PLXDC2: variants seen among roughly 807,000 people sequenced by gnomAD.
PLXDC2 encodes plexin domain-containing protein 2.
Under a neutral mutation model 68.9 loss-of-function variants are expected in PLXDC2, and 40 were observed. That is an observed-to-expected ratio of 0.58 (90% confidence interval 0.45 to 0.76). PLXDC2 has a LOEUF of 0.76. PLXDC2 is among the 30% of genes least tolerant of loss of function. The pLI is 0.00. For missense variants in PLXDC2, 644 were observed against 661.9 expected (o/e 0.97, Z 0.30); for synonymous variants, 243 against 234.2 (o/e 1.04, Z -0.34).
intron 2 of PLXDC2, among the ~76,000 whole-genome samples, chr10:20,045,819 A>AT (rs1429892444): frequency 2.6e-5 from 4 of 152,148 alleles, no homozygotes; most frequent in Admixed American, 2.6e-4. Flanking sequence ...GTTTTAAAAT[A>AT]TTTTTTGTCT....
intron 13 of PLXDC2, among the ~76,000 whole-genome samples, chr10:20,251,034 C>T (rs1177775950): frequency 6.6e-6 from 1 of 152,166 alleles, no homozygotes; most frequent in African/African-American, 2.4e-5. Context: ...AATCATCACT[C>T]CATAAACAAG....
chr10:19,874,803 G>C (rs189047212), intron 1 of PLXDC2, among the ~76,000 whole-genome samples: 1 of 152,192 alleles, frequency 6.6e-6, no homozygotes, highest in East Asian at 1.9e-4. Context: ...GGCCGGAAAA[G>C]CTGAGTGCTT....
chr10:20,242,086 A>G (rs1475117724), intron 12 of PLXDC2, among the ~76,000 whole-genome samples: 2 of 152,176 alleles, frequency 1.3e-5, no homozygotes, highest in Non-Finnish European at 2.9e-5. Context: ...ACTCAAAAAT[A>G]TCTACTATTT....
chr10:19,834,091 T>C (rs1033251113), intron 1 of PLXDC2, among the ~76,000 whole-genome samples: 5 of 152,134 alleles, frequency 3.3e-5, no homozygotes, highest in Admixed American at 2.6e-4. Context: ...TGCATGAACT[T>C]GCAGGTTGTC....
intron 1 of PLXDC2, among the ~76,000 whole-genome samples, chr10:19,925,341 A>C (rs180968418): frequency 6.6e-6 from 1 of 152,192 alleles, no homozygotes; most frequent in Non-Finnish European, 1.5e-5. Context: ...GTTTTGAAAG[A>C]CATATGACAG....
At chr10:20,164,898 C>A (rs1589661275) in intron 7 of PLXDC2, among the ~76,000 whole-genome samples, 1 of 152,292 alleles carries the variant, frequency 6.6e-6, no homozygotes, top group East Asian at 1.9e-4. Flanking sequence ...TCACTGCAAC[C>A]TTGACCTCCC....
At chr10:20,014,108 G>T (rs1256047966) in intron 2 of PLXDC2, among the ~76,000 whole-genome samples, 1 of 152,124 alleles carries the variant, frequency 6.6e-6, no homozygotes. Flanking sequence ...AAACTCTATG[G>T]AAAGTAATGT....
chr10:19,875,506 A>G (rs1204126550), intron 1 of PLXDC2, among the ~76,000 whole-genome samples: 1 of 152,230 alleles, frequency 6.6e-6, no homozygotes, highest in Non-Finnish European at 1.5e-5. Context: ...CTTGATAATT[A>G]ACAGTCATAG....
At chr10:20,092,048 G>GCGAAACTT (rs141440933) in intron 4 of PLXDC2, among the ~76,000 whole-genome samples, 15,918 of 152,080 alleles carry the variant, frequency 0.1, 963 homozygotes, top group South Asian at 0.29. Flanking sequence ...TATTTACTAA[G>GCGAAACTT]CGAAACTTCA....
At position 20,068,240 on chromosome 10, in the gene PLXDC2, G is replaced by C; in HGVS notation, c.541+1G>C. The stretch of plus-strand genomic sequence containing the variant: ...CGTGAAATCACTGTGGCAACCGGGG[G>C]TAAGTGGTTTTCTACCCATTCACCT... On this transcript the variant is annotated splice_donor_variant, in intron 4 of 13. Coordinates refer to ENST00000377252, the MANE Select transcript of PLXDC2 (RefSeq NM_032812.9). LOFTEE classifies it high-confidence loss of function. 6.2e-7 allele frequency: 1 copy of C among 1,609,832 alleles called. No homozygotes were observed. The highest frequency in any genetic ancestry group is 8.5e-7 in the Non-Finnish European group (1 of 1,176,708).
chr10:20,013,140 A>G (rs1163668753), intron 2 of PLXDC2, among the ~76,000 whole-genome samples: 1 of 152,204 alleles, frequency 6.6e-6, no homozygotes, highest in African/African-American at 2.4e-5. Flanking sequence ...TTTAGATAAT[A>G]TCTAGAGATT....
At chr10:20,235,620 A>G (rs1308783034) in intron 12 of PLXDC2, among the ~76,000 whole-genome samples, 1 of 152,152 alleles carries the variant, frequency 6.6e-6, no homozygotes, top group Non-Finnish European at 1.5e-5. Context: ...GCAGTGTGAG[A>G]TCTGGTGTTA....
chr10:19,869,225 C>T (rs929234225), intron 1 of PLXDC2, among the ~76,000 whole-genome samples: 1 of 151,942 alleles, frequency 6.6e-6, no homozygotes, highest in South Asian at 2.1e-4. Flanking sequence ...GGAGAAACCT[C>T]GTCTCACAAA....
In PLXDC2 at chr10:20,200,107, C is replaced by T. The variant is rs77278896; in HGVS notation, c.1062-11562C>T. 2.6e-3 allele frequency among the ~76,000 whole-genome samples: 396 copies of T among 151,532 alleles called. 1 individual carries two copies. The highest frequency in any genetic ancestry group is 4.6e-3 in the Admixed American group (70 of 15,186). ...TAAAAGAAAAGGTTGGAAGACTTCA[C>T]TATGTAAATATACAAACTGCTGTAT... is the stretch of plus-strand genomic sequence containing the variant. On this transcript the variant is annotated intron_variant, in intron 9 of 13. Transcript: ENST00000377252.
chr10:20,022,142 A>G (rs1835322316), intron 2 of PLXDC2, among the ~76,000 whole-genome samples: 1 of 152,202 alleles, frequency 6.6e-6, no homozygotes, highest in Admixed American at 6.6e-5. Context: ...CTGTTTATCA[A>G]CTGTCATCTA....
chr10:20,227,830 G>A (rs1398052326), intron 12 of PLXDC2, among the ~76,000 whole-genome samples: 1 of 152,064 alleles, frequency 6.6e-6, no homozygotes, highest in Non-Finnish European at 1.5e-5. Context: ...TAGTTAGGAG[G>A]TTATACTAGT....
chr10:20,041,632 T>C (rs568313101), intron 2 of PLXDC2, among the ~76,000 whole-genome samples: 14 of 152,294 alleles, frequency 9.2e-5, no homozygotes, highest in African/African-American at 2.2e-4. Context: ...TCCTTTTTTT[T>C]CCCCTGCAAT....
chr10:20,269,265 T>C (rs1835906492), intron 13 of PLXDC2, among the ~76,000 whole-genome samples: 2 of 152,150 alleles, frequency 1.3e-5, no homozygotes, highest in Admixed American at 6.6e-5. Context: ...TGTGTAATTA[T>C]ATTTTCCAGC....
chr10:19,870,914 G>T (rs1015012581), intron 1 of PLXDC2, among the ~76,000 whole-genome samples: 1 of 152,182 alleles, frequency 6.6e-6, no homozygotes, highest in African/African-American at 2.4e-5. Context: ...CAGCAAAGCA[G>T]GTTCCATCAG....
Sources: gnomAD v4.1 joint callset for allele counts (sites outside exome capture counted in the v4.1 genomes callset) on GRCh38, gnomAD v4.1.1 for gene constraint, MANE v1.5 for transcripts, NCBI Gene and HGNC (gene_info 2026-07-23, HGNC 2026-07-21) for gene names.